FBXO8: variants seen among roughly 807,000 people sequenced by gnomAD.
FBXO8 encodes the protein F-box only protein 8.
A neutral mutation model predicts 33.4 loss-of-function variants in FBXO8; 15 were observed. The observed-to-expected ratio is 0.45, with a 90% confidence interval of 0.30 to 0.69. FBXO8 has a LOEUF of 0.69. FBXO8 is among the 30% of genes least tolerant of loss of function. The probability of loss-of-function intolerance (pLI) is 0.08; values close to 1 mark genes in which losing one functional copy is unlikely to be tolerated. For missense variants in FBXO8, 274 were observed against 380.3 expected, an observed-to-expected ratio of 0.72 and a Z score of 2.32; for synonymous variants, 132 against 131.5, an observed-to-expected ratio of 1.00 and a Z score of -0.02.
rs940664073 is a variant in FBXO8, at chr4:174,257,582, A to G, written c.456+2117T>C. ...CTGATTCTTATGTACTGTACAGTAC[A>G]GCACTGTACCATTCTGCCTCAGTTT... On this transcript the variant is annotated intron_variant, in intron 3 of 5. Transcript: ENST00000393674. The surrounding 1 kb of genome is among the most constrained non-coding windows in gnomAD (Gnocchi z 4.3). 2.0e-5 allele frequency among the ~76,000 whole-genome samples: 3 copies of G among 152,178 alleles called. No homozygotes were observed. The highest frequency in any genetic ancestry group is 4.4e-5 in the Non-Finnish European group (3 of 68,036).
intron 1 of FBXO8, among the ~76,000 whole-genome samples, chr4:174,279,114 T>C (rs557739316): frequency 6.6e-6 from 1 of 152,176 alleles, no homozygotes; most frequent in African/African-American, 2.4e-5. Flanking sequence ...GTAAAATCCT[T>C]TGTAGTTACC....
intron 1 of FBXO8, among the ~76,000 whole-genome samples, chr4:174,276,790 A>G (rs1421000430): frequency 6.6e-6 from 1 of 152,226 alleles, no homozygotes; most frequent in Non-Finnish European, 1.5e-5. Context: ...TGACACTACT[A>G]CTGTGGAGGA....
rs974922333 is a variant in FBXO8, at chr4:174,283,619, G to A, written c.-218C>T. The A allele has an allele frequency of 2.9e-5, 10 of 342,362 alleles. No individual in the cohort carries two copies. The highest frequency in any genetic ancestry group is 2.1e-4 in the African/African-American group (10 of 47,486). The allele number at this position is 342,362 out of a possible 1,614,324, so 21.2% of individuals were successfully genotyped here. ...CTCAGAACTCAGGGTACCTCCAGCT[G>A]CAGGGGCCAGAACTGCCGACTATCC... On this transcript the variant is annotated 5_prime_UTR_variant, in exon 1 of 6. Transcript: ENST00000393674. This position sits in a 1 kb window ranked among gnomAD's most constrained non-coding sequence, Gnocchi z 6.7.
Position 174,252,828 on chromosome 4 carries a change from A to G in FBXO8, c.456+6871T>C, listed in dbSNP as rs904765060. ...GTCTCTACTAAAAAAAATATTAGCC[A>G]GGTGTGGTGGCATGCACCTGTAATC... On this transcript the variant is annotated intron_variant, in intron 3 of 5. Coordinates refer to ENST00000393674, the MANE Select transcript of FBXO8 (RefSeq NM_012180.3). The surrounding 1 kb of genome is among the most constrained non-coding windows in gnomAD (Gnocchi z 5.1). Among the ~76,000 whole-genome samples the G allele has an allele frequency of 1.3e-5, 2 of 152,106 alleles. No individual in the cohort carries two copies. Among genetic ancestry groups the G allele is most frequent in the East Asian group, 3.9e-4 (2 of 5,174 alleles).
Position 174,283,396 on chromosome 4 carries a change from G to A in FBXO8, c.-9+14C>T. ...GAGACAAGAGATCTAAAATATCTAG[G>A]TTGACTCCTGTACCTGAGCGACCTG... On this transcript the variant is annotated intron_variant, in intron 1 of 5. Transcript: ENST00000393674. The surrounding 1 kb of genome is among the most constrained non-coding windows in gnomAD (Gnocchi z 6.7). The A allele has an allele frequency of 6.5e-6, 1 of 153,430 alleles. No homozygotes were observed. Among genetic ancestry groups the A allele is most frequent in the Non-Finnish European group, 1.5e-5 (1 of 68,598 alleles). The allele number at this position is 153,430 out of a possible 1,614,324, so 9.5% of individuals were successfully genotyped here.
rs1736361877 is a variant in FBXO8 at position 174,254,144 on chromosome 4, T to TC, written c.456+5554dup. On this transcript the variant is annotated intron_variant, in intron 3 of 5. Coordinates refer to ENST00000393674, the MANE Select transcript of FBXO8 (RefSeq NM_012180.3). This position sits in a 1 kb window ranked among gnomAD's most constrained non-coding sequence, Gnocchi z 4.2. ...GTCATAAAATGTGGAACATGCTGAG[T>TC]CGAGCAGCATAATGAAGGGTGCTGA... Among the ~76,000 whole-genome samples the TC allele has an allele frequency of 2.0e-5, 3 of 152,294 alleles. No individual in the cohort carries two copies. The South Asian group carries it at 6.2e-4, about 32-fold the overall frequency.
In FBXO8 at chr4:174,256,398, T is replaced by C. The variant is rs1736415539; in HGVS notation, c.456+3301A>G. Reference sequence around the variant, plus strand: ...GTGAGTGGGGAAAAAGAAAACAAAATACAGTCTCCAAAAAGTACTGCCTAA... The same window carrying C: ...GTGAGTGGGGAAAAAGAAAACAAAACACAGTCTCCAAAAAGTACTGCCTAA... On this transcript the variant is annotated intron_variant, in intron 3 of 5. Transcript: ENST00000393674. This position sits in a 1 kb window ranked among gnomAD's most constrained non-coding sequence, Gnocchi z 4.6. Among the ~76,000 whole-genome samples the C allele has an allele frequency of 6.6e-6, 1 of 152,016 alleles. No homozygotes were observed. The highest frequency in any genetic ancestry group is 6.6e-5 in the Admixed American group (1 of 15,262).
At chr4:174,280,632 A>G (rs886526148) in intron 1 of FBXO8, among the ~76,000 whole-genome samples, 2 of 152,216 alleles carry the variant, frequency 1.3e-5, no homozygotes, top group African/African-American at 4.8e-5. Context: ...TGGCTGACAC[A>G]TATAAGGGAA....
Position 174,253,915 on chromosome 4 carries a change from C to T in FBXO8, c.456+5784G>A, listed in dbSNP as rs1006095459. ...TATTTTGAGTTGTGGTAGCATCTTGCTATCAAGAGAGGGTGAAAGTCAACA... is the reference window on the plus strand; with the variant it reads ...TATTTTGAGTTGTGGTAGCATCTTGTTATCAAGAGAGGGTGAAAGTCAACA... On this transcript the variant is annotated intron_variant, in intron 3 of 5. Transcript: ENST00000393674. The surrounding 1 kb of genome is among the most constrained non-coding windows in gnomAD (Gnocchi z 4.5). Among the ~76,000 whole-genome samples the T allele has an allele frequency of 6.6e-6, 1 of 152,092 alleles. No individual in the cohort carries two copies. The highest frequency in any genetic ancestry group is 1.5e-5 in the Non-Finnish European group (1 of 68,016).
intron 1 of FBXO8, among the ~76,000 whole-genome samples, chr4:174,276,533 C>G (rs1460647021): frequency 6.6e-6 from 1 of 151,990 alleles, no homozygotes; most frequent in African/African-American, 2.4e-5. Context: ...ACTGTGACTG[C>G]CTGACAGAGC....
At chr4:174,280,663 A>C (rs1222130108) in intron 1 of FBXO8, among the ~76,000 whole-genome samples, 1 of 152,168 alleles carries the variant, frequency 6.6e-6, no homozygotes, top group Non-Finnish European at 1.5e-5. Context: ...CCTTAAAAAG[A>C]AGAGAAATTC....
At position 174,268,729 on chromosome 4, in the gene FBXO8, C is replaced by G. The variant is rs1736761893; in HGVS notation, c.-8-5629G>C. On this transcript the variant is annotated intron_variant, in intron 1 of 5. Transcript: ENST00000393674. ...GGGATTACAGGCGTGAGCCACCGCG[C>G]CCGGCCGGGGGCCGTTTTAAACACT... Among the ~76,000 whole-genome samples, 3 of 152,186 alleles carry G rather than the reference C, an allele frequency of 2.0e-5. No individual in the cohort carries two copies. The South Asian group carries it at 6.2e-4, about 32-fold the overall frequency.
rs1737077470 is a variant in FBXO8, at chr4:174,281,123, TAATA to T, written c.-9+2283_-9+2286del. Among the ~76,000 whole-genome samples the T allele has an allele frequency of 6.6e-6, 1 of 152,112 alleles. No homozygotes were observed. The highest frequency in any genetic ancestry group is 2.4e-5 in the African/African-American group (1 of 41,422). ...AGGGAAAAAACTCTGAAAAACAAAT[TAATA>T]AATAAAAGAAGAGATGATGGCGTGC... On this transcript the variant is annotated intron_variant, in intron 1 of 5. Transcript: ENST00000393674. The surrounding 1 kb of genome is among the most constrained non-coding windows in gnomAD (Gnocchi z 4.6).
At position 174,253,399 on chromosome 4, in the gene FBXO8, T is replaced by C. The variant is rs1422014952; in HGVS notation, c.456+6300A>G. 6.6e-6 allele frequency among the ~76,000 whole-genome samples: 1 copy of C among 152,122 alleles called. No individual in the cohort carries two copies. Among genetic ancestry groups the C allele is most frequent in the East Asian group, 1.9e-4 (1 of 5,180 alleles). On this transcript the variant is annotated intron_variant, in intron 3 of 5. Coordinates refer to ENST00000393674, the MANE Select transcript of FBXO8 (RefSeq NM_012180.3). This position sits in a 1 kb window ranked among gnomAD's most constrained non-coding sequence, Gnocchi z 4.5. The stretch of plus-strand genomic sequence containing the variant: ...CCCTCCTATCCCGTCTTCCTCCCTT[T>C]TAAAATTTTGATATGTTTGCTTAGT...
intron 1 of FBXO8, among the ~76,000 whole-genome samples, chr4:174,273,694 A>C (rs1736890760): frequency 6.6e-6 from 1 of 152,218 alleles, no homozygotes; most frequent in Admixed American, 6.5e-5. Flanking sequence ...GATGTGGCAA[A>C]ATATTAAAAA....
chr4:174,238,858 C>T lies in FBXO8; in HGVS notation c.772+136G>A, dbSNP rs919594654. On this transcript the variant is annotated intron_variant, in intron 5 of 5. Transcript: ENST00000393674. ...CCATAAATGATGAAGTAGTCAGTCACTGCTACAAACAGTAAAACAAGTATT... is the reference window on the plus strand; with the variant it reads ...CCATAAATGATGAAGTAGTCAGTCATTGCTACAAACAGTAAAACAAGTATT... 62 of 559,112 alleles carry T rather than the reference C, an allele frequency of 1.1e-4. No individual in the cohort carries two copies. In the Middle Eastern group the frequency reaches 2.5e-3, roughly 23 times the overall value. 34.6% of individuals were successfully genotyped at this position (559,112 alleles called of 1,614,324 possible).
chr4:174,243,877 A>G (rs1192911786), intron 3 of FBXO8, among the ~76,000 whole-genome samples: 1 of 151,406 alleles, frequency 6.6e-6, no homozygotes, highest in Non-Finnish European at 1.5e-5. Context: ...AATTGACTAT[A>G]AAAGTTTCCA....
At chr4:174,268,723 AC>A (rs1275458756) in intron 1 of FBXO8, among the ~76,000 whole-genome samples, 1 of 152,232 alleles carries the variant, frequency 6.6e-6, no homozygotes, top group African/African-American at 2.4e-5. Flanking sequence ...GGCGTGAGCC[AC>A]CGCGCCCGGC....
rs1736724982 is a variant in FBXO8 at position 174,267,662 on chromosome 4, A to G, written c.-8-4562T>C. On this transcript the variant is annotated intron_variant, in intron 1 of 5. Coordinates refer to ENST00000393674, the MANE Select transcript of FBXO8 (RefSeq NM_012180.3). The surrounding 1 kb of genome is among the most constrained non-coding windows in gnomAD (Gnocchi z 4.7). ...GTTCGTCCATGATTTCAAACTCTTG[A>G]AAATAGTGTTTAGACTGAACCAATT... Among the ~76,000 whole-genome samples, 1 of 152,238 alleles carries G rather than the reference A, an allele frequency of 6.6e-6. No homozygotes were observed. The highest frequency in any genetic ancestry group is 2.4e-5 in the African/African-American group (1 of 41,462).
Sources: allele counts gnomAD v4.1 joint callset (sites outside exome capture counted in the v4.1 genomes callset), GRCh38; gene constraint gnomAD v4.1.1; non-coding constraint Gnocchi (gnomAD v3.1); transcripts MANE v1.5; gene names NCBI Gene and HGNC (gene_info 2026-07-23, HGNC 2026-07-21).